DGKH: variants seen among roughly 807,000 people sequenced by gnomAD.
The protein encoded by DGKH is diacylglycerol kinase eta.
In DGKH, 90 loss-of-function variants were observed where a neutral mutation model predicts 159.3. The observed-to-expected ratio is 0.57, with a 90% CI of 0.48 to 0.67. The LOEUF (loss-of-function observed/expected upper bound fraction) is 0.67. Among genes scored for constraint, DGKH ranks in the 30% least tolerant of loss-of-function variants. The pLI, the probability that DGKH is intolerant of heterozygous loss-of-function variation, is 0.00. For synonymous variants in DGKH, 536 were observed against 553.8 expected, an observed-to-expected ratio of 0.97 and a Z score of 0.45; for missense variants, 1,181 against 1,506.1, an observed-to-expected ratio of 0.78 and a Z score of 3.57.
chr13:42,122,051 G>A (rs1297766244), intron 1 of DGKH, among the ~76,000 whole-genome samples: 1 of 152,074 alleles, frequency 6.6e-6, no homozygotes, highest in Non-Finnish European at 1.5e-5. Flanking sequence ...CCCCAATTAG[G>A]TTCTTGATGA....
intron 29 of DGKH, chr13:42,225,161 G>A (rs1230662006): frequency 1.6e-5 from 13 of 822,950 alleles, no homozygotes; most frequent in Non-Finnish European, 2.4e-5. Flanking sequence ...GGCCTCAAGA[G>A]ATCGGCCTGC....
At position 42,084,913 on chromosome 13, in the gene DGKH, T is replaced by A. The variant is rs137875231; in HGVS notation, c.192+35948T>A. Among the ~76,000 whole-genome samples, 575 of 144,814 alleles carry A rather than the reference T, an allele frequency of 4.0e-3. 2 individuals are homozygous for A. The highest frequency in any genetic ancestry group is 0.014 in the African/African-American group (550 of 40,640). On this transcript the variant is annotated intron_variant, in intron 1 of 29. Transcript: ENST00000337343. ...ACCTAGTGAAAAGTTTCATAATGATTGTTCTTAGTAAAAAAAAAAAAATTA... is the reference window on the plus strand; with the variant it reads ...ACCTAGTGAAAAGTTTCATAATGATAGTTCTTAGTAAAAAAAAAAAAATTA...
intron 1 of DGKH, among the ~76,000 whole-genome samples, chr13:42,097,528 C>T (rs1954565554): frequency 6.6e-6 from 1 of 152,178 alleles, no homozygotes. Flanking sequence ...AAATAAGACT[C>T]ATCCAGTGGA....
chr13:42,099,564 G>A (rs987551066), intron 1 of DGKH, among the ~76,000 whole-genome samples: 54 of 152,194 alleles, frequency 3.5e-4, no homozygotes, highest in African/African-American at 1.2e-3. Flanking sequence ...GCGGGGCTGA[G>A]GCCATCTTCA....
intron 1 of DGKH, among the ~76,000 whole-genome samples, chr13:42,079,287 T>A (rs758870519): frequency 3.4e-4 from 52 of 152,092 alleles, no homozygotes; most frequent in Non-Finnish European, 5.7e-4. Flanking sequence ...TGTATATTTT[T>A]AAAAAATATA....
At position 42,256,421 on chromosome 13, in the gene DGKH, A is replaced by G; in HGVS notation, n.4265A>G. On this transcript the variant is annotated non_coding_transcript_exon_variant, in exon 31 of 31. Transcript: ENST00000498255. ...TGACAAGGCAGCAAAGATTGCTAAGACAGCACACAAAAATGGATCAACCTT... is the reference window on the plus strand; with the variant it reads ...TGACAAGGCAGCAAAGATTGCTAAGGCAGCACACAAAAATGGATCAACCTT... 3 of 1,575,042 alleles carry G rather than the reference A, an allele frequency of 1.9e-6. No homozygotes were observed. In the African/African-American group the frequency reaches 4.0e-5, roughly 21 times the overall value.
Position 42,155,861 on chromosome 13 carries a change from C to T in DGKH, c.622+62C>T, listed in dbSNP as rs543825290. 282 of 1,590,388 alleles carry T rather than the reference C, an allele frequency of 1.8e-4. 4 individuals are homozygous for T. The South Asian group carries it at 2.9e-3, about 16-fold the overall frequency. On this transcript the variant is annotated intron_variant, in intron 5 of 29. Coordinates refer to ENST00000337343, the MANE Select transcript of DGKH (RefSeq NM_178009.5). ...TAACCATACTGTAGACATGCTGCCA[C>T]TGGTTTTATTGTAGCTTAAAATTGA... is the stretch of plus-strand genomic sequence containing the variant.
At chr13:42,247,868 T>C (rs1958593538), downstream of DGKH, among the ~76,000 whole-genome samples, 1 of 152,266 alleles carries the variant, frequency 6.6e-6, no homozygotes, top group South Asian at 2.1e-4. Flanking sequence ...AGCTTTTGTA[T>C]AACTATATGT....
intron 13 of DGKH, chr13:42,181,471 A>C (rs1355827519): frequency 1.2e-5 from 2 of 162,192 alleles, no homozygotes; most frequent in African/African-American, 4.8e-5. Context: ...TGATTAGGCC[A>C]GTCCATGTGC....
In DGKH at chr13:42,219,361, TC is replaced by T; in HGVS notation, c.3333+13del. The T allele has an allele frequency of 1.2e-6, 2 of 1,612,718 alleles. No homozygotes were observed. The highest frequency in any genetic ancestry group is 1.7e-6 in the Non-Finnish European group (2 of 1,179,558). On this transcript the variant is annotated intron_variant, in intron 27 of 29. Transcript: ENST00000337343. ...CAAATGAGGATGAGGTATGTAAAATTCAGCCTGTTTCTCTAGAAATGTAGAC... is the reference window on the plus strand; with the variant it reads ...CAAATGAGGATGAGGTATGTAAAATTAGCCTGTTTCTCTAGAAATGTAGAC...
chr13:42,041,517 G>T (rs146396220), intron 1 of DGKH, among the ~76,000 whole-genome samples: 1 of 152,238 alleles, frequency 6.6e-6, no homozygotes, highest in African/African-American at 2.4e-5. Context: ...GCAACGCGGA[G>T]GTTGAGTAAT....
intron 3 of DGKH, among the ~76,000 whole-genome samples, chr13:42,146,152 T>C (rs1955724572): frequency 1.4e-5 from 1 of 71,908 alleles, no homozygotes; most frequent in Non-Finnish European, 3.8e-5. Context: ...TGGGGAGGCT[T>C]TTTTTTTTTT....
intron 1 of DGKH, among the ~76,000 whole-genome samples, chr13:42,114,041 A>G (rs544093351): frequency 1.3e-5 from 2 of 152,332 alleles, no homozygotes; most frequent in East Asian, 3.9e-4. Context: ...TAGTTCATTT[A>G]CACATTTTGT....
Position 42,151,488 on chromosome 13 carries a change from T to G in DGKH, c.385-3803T>G, listed in dbSNP as rs527419685. On this transcript the variant is annotated intron_variant, in intron 3 of 29. Transcript: ENST00000337343. ...TGAGTAGTATTCCATGGTGTGTGTG[T>G]GTGTGTGTGTGTGTGTGTATACACA... Among the ~76,000 whole-genome samples, 7 of 139,054 alleles carry G rather than the reference T, an allele frequency of 5.0e-5. No individual in the cohort carries two copies. In the South Asian group the frequency reaches 2.0e-3, roughly 40 times the overall value. 91.2% of individuals were successfully genotyped at this position (139,054 alleles called of 152,430 possible).
chr13:42,115,155 G>A (rs975692121), intron 1 of DGKH, among the ~76,000 whole-genome samples: 1 of 152,120 alleles, frequency 6.6e-6, no homozygotes. Context: ...GTCTATTTTT[G>A]TTTTATGCTT....
At chr13:42,186,013 GTGTGTGTGTGTGTGTGTGT>G (rs1474779276) in intron 13 of DGKH, among the ~76,000 whole-genome samples, 858 of 50,180 alleles carry the variant, frequency 0.017, 8 homozygotes, top group Non-Finnish European at 0.026. Flanking sequence ...TGGTGGTGGT[GTGTGTGTGTGTGTGTGTGT>G]GTGTGTGTGT....
At chr13:42,109,179 G>A (rs942212866) in intron 1 of DGKH, among the ~76,000 whole-genome samples, 8 of 152,168 alleles carry the variant, frequency 5.3e-5, no homozygotes, top group African/African-American at 1.9e-4. Flanking sequence ...TAAAGGACAG[G>A]AACGAGAGTA....
chr13:42,167,467 C>T (rs1956340771), intron 9 of DGKH, among the ~76,000 whole-genome samples: 1 of 152,162 alleles, frequency 6.6e-6, no homozygotes, highest in Non-Finnish European at 1.5e-5. Flanking sequence ...TCTGTCTTCT[C>T]TATTTCTCTC....
At chr13:42,078,157 T>A (rs1461499725) in intron 1 of DGKH, among the ~76,000 whole-genome samples, 2 of 152,232 alleles carry the variant, frequency 1.3e-5, no homozygotes, top group Non-Finnish European at 2.9e-5. Flanking sequence ...AAGTACTGCA[T>A]CAGTGAGCTT....
Sources: allele counts gnomAD v4.1 joint callset (sites outside exome capture counted in the v4.1 genomes callset), GRCh38; gene constraint gnomAD v4.1.1; transcripts MANE v1.5; gene names NCBI Gene and HGNC (gene_info 2026-07-23, HGNC 2026-07-21).